CLCA4: variants seen among roughly 807,000 people sequenced by gnomAD.
CLCA4 encodes the protein calcium-activated chloride channel regulator 4.
A neutral mutation model predicts 78.9 loss-of-function variants in CLCA4; 69 were observed. The observed-to-expected ratio is 0.87, with a 90% confidence interval of 0.72 to 1.07. CLCA4 has a LOEUF of 1.07. Ranked by LOEUF, CLCA4 falls within the 50% of genes least tolerant of loss-of-function variation. The pLI, the probability that CLCA4 is intolerant of heterozygous loss-of-function variation, is 0.00. For missense variants in CLCA4, 1,133 were observed against 1,095.8 expected, an observed-to-expected ratio of 1.03 and a Z score of -0.48; for synonymous variants, 362 against 375.8, an observed-to-expected ratio of 0.96 and a Z score of 0.42.
In CLCA4 at chr1:86,580,027, T is replaced by TACTA; in HGVS notation, c.2442_2443insACTA (p.Leu815ThrfsTer16). On this transcript the variant is annotated frameshift_variant, in exon 14 of 14. Coordinates refer to ENST00000370563, the MANE Select transcript of CLCA4 (RefSeq NM_012128.4). LOFTEE classifies it low-confidence loss of function (END_TRUNC). The stretch of plus-strand genomic sequence containing the variant: ...ATGCTCTTCAAGTAAATACTACTGA[T>TACTA]CTGTCACCAAAGGAGGCCAACTCCA... 1 of 1,611,752 alleles carries TACTA rather than the reference T, an allele frequency of 6.2e-7. No homozygotes were observed. The highest frequency in any genetic ancestry group is 8.5e-7 in the Non-Finnish European group (1 of 1,178,336).
intron 1 of CLCA4, among the ~76,000 whole-genome samples, chr1:86,552,452 C>T (rs957412423): frequency 2.0e-4 from 31 of 152,322 alleles, no homozygotes; most frequent in African/African-American, 7.2e-4. Context: ...GTGAGTGGGA[C>T]GGGCCTGGGG....
intron 3 of CLCA4, among the ~76,000 whole-genome samples, chr1:86,561,907 G>T (rs1209947329): frequency 6.6e-6 from 1 of 151,820 alleles, no homozygotes; most frequent in Non-Finnish European, 1.5e-5. Context: ...CATTCCTCAA[G>T]GTCCTAAAAA....
Position 86,563,587 on chromosome 1 carries a change from G to A in CLCA4, c.449-74G>A, listed in dbSNP as rs184793512. The A allele has an allele frequency of 1.6e-4, 106 of 680,974 alleles. 1 individual carries two copies. Among genetic ancestry groups the A allele is most frequent in the Admixed American group, 7.0e-4 (24 of 34,506 alleles). The allele number at this position is 680,974 out of a possible 1,614,324, so 42.2% of individuals were successfully genotyped here. On this transcript the variant is annotated intron_variant, in intron 3 of 13. Transcript: ENST00000370563. ...ATCTAAATATATTTTATAATTGAAA[G>A]AGAAGCTTCTTAAAATATGATACAA... is the stretch of plus-strand genomic sequence containing the variant.
In CLCA4 at chr1:86,574,340, A is replaced by C. The variant is rs546488857; in HGVS notation, c.1468-200A>C. ...TGTAAAACCCTTGTTTCTGCTCTAC[A>C]TGTTTCTGCTCTAAGTCTCTTACTT... On this transcript the variant is annotated intron_variant, in intron 9 of 13. Transcript: ENST00000370563. Among the ~76,000 whole-genome samples the C allele has an allele frequency of 3.3e-5, 5 of 152,162 alleles. 1 individual carries two copies. The South Asian group carries it at 1.0e-3, about 32-fold the overall frequency.
At chr1:86,552,054 A>T (rs1386607459) in intron 1 of CLCA4, among the ~76,000 whole-genome samples, 1 of 152,206 alleles carries the variant, frequency 6.6e-6, no homozygotes, top group Non-Finnish European at 1.5e-5. Context: ...CTGCAAAAAA[A>T]ATCCCTTATT....
chr1:86,550,977 G>A lies in CLCA4; in HGVS notation c.159+3699G>A, dbSNP rs145596262. Among the ~76,000 whole-genome samples the A allele has an allele frequency of 6.5e-4, 98 of 151,508 alleles. 1 individual carries two copies. Among genetic ancestry groups the A allele is most frequent in the South Asian group, 5.0e-3 (24 of 4,776 alleles). ...CTCCCGAGTGGCTGGGATTACAGGC[G>A]CCTGCCACCACGCCCCGCTAATTTT... On this transcript the variant is annotated intron_variant, in intron 1 of 13. Coordinates refer to ENST00000370563, the MANE Select transcript of CLCA4 (RefSeq NM_012128.4).
At chr1:86,575,649 G>T in intron 11 of CLCA4, 50 bp downstream of exon 11, 1 of 1,518,038 alleles carries the variant, frequency 6.6e-7, no homozygotes, top group Non-Finnish European at 9.1e-7. Context: ...AATTCAGCAT[G>T]TTGTGAGTCC....
At chr1:86,548,745 AC>A (rs1649571153) in intron 1 of CLCA4, among the ~76,000 whole-genome samples, 1 of 151,914 alleles carries the variant, frequency 6.6e-6, no homozygotes, top group African/African-American at 2.4e-5. Flanking sequence ...GGAGAAGAAA[AC>A]AAAGTTAATA....
At chr1:86,566,492 G>A (rs554454706) in intron 6 of CLCA4, among the ~76,000 whole-genome samples, 2 of 152,028 alleles carry the variant, frequency 1.3e-5, no homozygotes, top group Admixed American at 6.6e-5. Flanking sequence ...AAACAAGTGG[G>A]TGCAATGTGA....
chr1:86,565,569 A>T, intron 5 of CLCA4, 118 bp downstream of exon 5: 2 of 779,184 alleles, frequency 2.6e-6, no homozygotes, highest in Non-Finnish European at 4.1e-6. Flanking sequence ...TTCTTTGAAC[A>T]CTGGCTAACA....
At chr1:86,575,007 T>A (rs1386509314) in intron 10 of CLCA4, among the ~76,000 whole-genome samples, 2 of 152,044 alleles carry the variant, frequency 1.3e-5, no homozygotes, top group Non-Finnish European at 2.9e-5. Context: ...GAAGAGTCTA[T>A]GCAAATTGGT....
intron 8 of CLCA4, among the ~76,000 whole-genome samples, chr1:86,571,967 G>A (rs1307275049): frequency 6.6e-6 from 1 of 151,904 alleles, no homozygotes; most frequent in Non-Finnish European, 1.5e-5. Flanking sequence ...GCTTTTTAAT[G>A]CTTAGTTATA....
In CLCA4 at chr1:86,574,648, C is replaced by G; in HGVS notation, c.1576C>G (p.Leu526Val). 5 of 1,613,138 alleles carry G rather than the reference C, an allele frequency of 3.1e-6. No individual in the cohort carries two copies. Among genetic ancestry groups the G allele is most frequent in the Non-Finnish European group, 4.2e-6 (5 of 1,179,360 alleles). ...DTFFLITWNS[L>V]PPSISLWDPS... ...GTTCTTTCTCATCACATGGAACAGT[C>G]TGCCTCCCAGTATTTCTCTCTGGGA... Residue 526 changes from leucine to valine, a missense_variant, in exon 10 of 14, where the codon CTG becomes GTG. Coordinates refer to ENST00000370563, the MANE Select transcript of CLCA4 (RefSeq NM_012128.4).
Position 86,565,891 on chromosome 1 carries a change from G to T in CLCA4, c.825G>T (p.Val275=). ...GCAATTTTAGAAGTACATGGGAGGT[G>T]ATTAGCAATTCTGAGGATTTTAAAA... ...IKCNFRSTWE[V]ISNSEDFKNT... Residue 275 remains valine (V), a synonymous_variant, in exon 6 of 14, where the codon GTG becomes GTT. Transcript: ENST00000370563. The T allele has an allele frequency of 6.2e-7, 1 of 1,612,244 alleles. No homozygotes were observed. Among genetic ancestry groups the T allele is most frequent in the South Asian group, 1.1e-5 (1 of 90,942 alleles).
In CLCA4 at chr1:86,560,313, C is replaced by T; in HGVS notation, c.403C>T (p.Pro135Ser). ...GEKGEYIHFT[P>S]DLLLGKKQNE... ...GAAAGGCGAATACATTCACTTCACC[C>T]CTGACCTTCTACTTGGAAAAAAACA... Residue 135 changes from proline (P) to serine (S), a missense_variant, in exon 3 of 14, where the codon CCT becomes TCT. Coordinates refer to ENST00000370563, the MANE Select transcript of CLCA4 (RefSeq NM_012128.4). The T allele has an allele frequency of 1.9e-6, 3 of 1,613,976 alleles. No homozygotes were observed. Among genetic ancestry groups the T allele is most frequent in the Non-Finnish European group, 2.5e-6 (3 of 1,179,918 alleles).
At chr1:86,576,352 A>T (rs1570338320) in intron 11 of CLCA4, among the ~76,000 whole-genome samples, 1 of 151,788 alleles carries the variant, frequency 6.6e-6, no homozygotes, top group Non-Finnish European at 1.5e-5. Context: ...TTTTGTAGAG[A>T]AAAGGTCAAC....
Position 86,579,498 on chromosome 1 carries a change from G to A in CLCA4, c.2267G>A (p.Ser756Asn). The change falls in exon 13 of 14, where the codon AGT becomes AAT. Residue 756 changes from serine (S) to asparagine (N), a missense_variant. Ser to Asn is a conservative substitution (Grantham distance 46, BLOSUM62 1). Transcript: ENST00000370563. ...SLPLPDQYPP[S>N]QITDLDATVH... Reference sequence around the variant, plus strand: ...CCCTTGCCTGACCAATACCCACCAAGTCAAATCACAGACCTTGATGCCACA... The same window carrying A: ...CCCTTGCCTGACCAATACCCACCAAATCAAATCACAGACCTTGATGCCACA... 6.2e-7 allele frequency: 1 copy of A among 1,613,218 alleles called. No individual in the cohort carries two copies. Among genetic ancestry groups the A allele is most frequent in the Non-Finnish European group, 8.5e-7 (1 of 1,179,482 alleles).
chr1:86,579,802 C>A (rs1232124481), intron 13 of CLCA4, 140 bp from the exon 14 acceptor site: 6 of 719,800 alleles, frequency 8.3e-6, no homozygotes, highest in Non-Finnish European at 1.1e-5. Flanking sequence ...AGCTTAAGAC[C>A]AGAATTCAGC....
Position 86,572,686 on chromosome 1 carries a change from C to A in CLCA4, c.1433C>A (p.Ser478Ter). The part of the protein sequence containing the change: ...GLIDAFGALT[S>*]GNTDLSQKSL... ...ATTGATGCTTTTGGGGCTCTTACAT[C>A]AGGAAATACTGATCTCTCCCAGAAG... is the stretch of plus-strand genomic sequence containing the variant. The change falls in exon 9 of 14, where the codon TCA becomes TAA. Residue 478 changes from serine to a stop codon, truncating the protein, a stop_gained. Transcript: ENST00000370563. LOFTEE classifies it high-confidence loss of function. The A allele has an allele frequency of 6.2e-7, 1 of 1,604,742 alleles. No homozygotes were observed. The highest frequency in any genetic ancestry group is 8.5e-7 in the Non-Finnish European group (1 of 1,171,882).
Sources: allele counts gnomAD v4.1 joint callset (sites outside exome capture counted in the v4.1 genomes callset), GRCh38; gene constraint gnomAD v4.1.1; transcripts MANE v1.5; gene names NCBI Gene and HGNC (gene_info 2026-07-23, HGNC 2026-07-21).